The following RASSF2 variants were observed in gnomAD, a reference collection of about 807,000 sequenced individuals.
The protein encoded by RASSF2 is ras association domain-containing protein 2.
A neutral mutation model predicts 46.3 loss-of-function variants in RASSF2; 34 were observed. The observed-to-expected ratio is 0.73, with a 90% CI of 0.56 to 0.98. RASSF2 has a LOEUF of 0.98. Among genes scored for constraint, RASSF2 ranks in the 50% least tolerant of loss-of-function variants. RASSF2 has a pLI of 0.00. For missense variants in RASSF2, 364 were observed against 431.2 expected (o/e 0.84, Z 1.38); for synonymous variants, 158 against 162.5 (o/e 0.97, Z 0.21).
intron 4 of RASSF2, among the ~76,000 whole-genome samples, chr20:4,797,165 A>G (rs1926420848): frequency 1.3e-5 from 2 of 152,194 alleles, no homozygotes; most frequent in South Asian, 4.1e-4. Context: ...GGTGGGCATC[A>G]TTCCTTTACA....
In RASSF2 at chr20:4,783,813, G is replaced by C. The variant is rs906375825; in HGVS notation, c.*460C>G. Reference sequence around the variant, plus strand: ...CCTCTTCCCTCTCTAAACACAGACAGACGTGTGGCTGCTCCCTGGCACTTG... The same window carrying C: ...CCTCTTCCCTCTCTAAACACAGACACACGTGTGGCTGCTCCCTGGCACTTG... On this transcript the variant is annotated 3_prime_UTR_variant, in exon 12 of 12. Transcript: ENST00000379400. 6.3e-6 allele frequency: 1 copy of C among 159,362 alleles called. No individual in the cohort carries two copies. Among genetic ancestry groups the C allele is most frequent in the Non-Finnish European group, 1.4e-5 (1 of 72,024 alleles). 9.9% of individuals were successfully genotyped at this position (159,362 alleles called of 1,614,324 possible).
At chr20:4,797,405 G>T (rs745449256) in intron 4 of RASSF2, among the ~76,000 whole-genome samples, 2 of 152,238 alleles carry the variant, frequency 1.3e-5, no homozygotes, top group South Asian at 4.1e-4. Context: ...AGTCACAGGC[G>T]CTTGAGTATA....
At chr20:4,822,447 G>C (rs935153770) in intron 1 of RASSF2, 44 bp from the exon 2 acceptor site, 4 of 152,300 alleles carry the variant, frequency 2.6e-5, no homozygotes, top group African/African-American at 9.6e-5. Context: ...CCTCGCGCTT[G>C]GCTTCTCCTA....
In RASSF2 at chr20:4,792,606, A is replaced by T. The variant is rs748726236; in HGVS notation, c.309T>A (p.Thr103=). 5.6e-6 allele frequency: 9 copies of T among 1,613,866 alleles called. No homozygotes were observed. In the Admixed American group the frequency reaches 8.3e-5, roughly 15 times the overall value. ...CCTCTGAGATCTGAACTTTGGGCAC[A>T]GTCAGGGGCTTCAGAGTGGTTCTGG... ...GAQGTTLKPL[T]VPKVQISEVD... The change falls in exon 6 of 12, where the codon ACT becomes ACA. Residue 103 remains threonine, a synonymous_variant. Transcript: ENST00000379400.
chr20:4,815,429 C>G (rs1458549047), intron 2 of RASSF2, among the ~76,000 whole-genome samples: 1 of 152,302 alleles, frequency 6.6e-6, no homozygotes, highest in African/African-American at 2.4e-5. Context: ...GCCTCATGGA[C>G]TCCACCAGTT....
chr20:4,797,347 AC>A, intron 4 of RASSF2, among the ~76,000 whole-genome samples: 1 of 152,172 alleles, frequency 6.6e-6, no homozygotes. Flanking sequence ...CAGCTTGATA[AC>A]CTGAAAATGT....
At position 4,791,558 on chromosome 20, in the gene RASSF2, T is replaced by C. The variant is rs909726293; in HGVS notation, c.377-947A>G. Among the ~76,000 whole-genome samples the C allele has an allele frequency of 3.3e-5, 5 of 152,212 alleles. 1 individual carries two copies. The highest frequency in any genetic ancestry group is 3.3e-4 in the Admixed American group (5 of 15,292). ...ATACAATACTGACATTAATCACAAG[T>C]AGGTTAATCTGCTCTTATTAAAATA... On this transcript the variant is annotated intron_variant, in intron 6 of 11. Transcript: ENST00000379400.
chr20:4,816,198 G>A (rs1428724176), intron 2 of RASSF2, among the ~76,000 whole-genome samples: 1 of 152,080 alleles, frequency 6.6e-6, no homozygotes, highest in Non-Finnish European at 1.5e-5. Context: ...CTACTTGGGA[G>A]GCTGAGGTGA....
At chr20:4,814,815 G>A (rs567377287) in intron 2 of RASSF2, among the ~76,000 whole-genome samples, 3 of 152,304 alleles carry the variant, frequency 2.0e-5, no homozygotes, top group South Asian at 2.1e-4. Flanking sequence ...TTTCCAGACC[G>A]TTTCCAGGGG....
Position 4,784,052 on chromosome 20 carries a change from A to C in RASSF2, c.*221T>G. On this transcript the variant is annotated 3_prime_UTR_variant, in exon 12 of 12. Transcript: ENST00000379400. The stretch of plus-strand genomic sequence containing the variant: ...CATTTTGGGTCCTCCTTATAACTAA[A>C]ATCAAAAGTCCTTGTGAGCAGAAAA... 1 of 583,010 alleles carries C rather than the reference A, an allele frequency of 1.7e-6. No homozygotes were observed. The highest frequency in any genetic ancestry group is 3.1e-6 in the Non-Finnish European group (1 of 325,056). 36.1% of individuals were successfully genotyped at this position (583,010 alleles called of 1,614,324 possible). A position where few individuals can be genotyped will look rare whatever the true frequency, so the allele number is the denominator to read the frequency against.
In RASSF2 at chr20:4,788,257, T is replaced by C; in HGVS notation, c.651A>G (p.Ser217=). ...CCACGTACAAGGCAAACTCCTCTGC[T>C]GAATTCTCAATCTGAAGCAGGAGCA... ...LLLNKFKIEN[S]AEEFALYVVH... The change falls in exon 9 of 12, where the codon TCA becomes TCG. Residue 217 remains serine, a synonymous_variant. Transcript: ENST00000379400. 2 of 1,608,718 alleles carry C rather than the reference T, an allele frequency of 1.2e-6. No homozygotes were observed. Among genetic ancestry groups the C allele is most frequent in the Non-Finnish European group, 1.7e-6 (2 of 1,175,014 alleles).
In RASSF2 at chr20:4,795,772, C is replaced by T; in HGVS notation, c.287+43G>A. ...TCTGCTTGAGAACACATAGAACACC[C>T]AAGCATCCCAGTCATCTCCCTGCCC... On this transcript the variant is annotated intron_variant, in intron 5 of 11. Transcript: ENST00000379400. This position sits in a 1 kb window ranked among gnomAD's most constrained non-coding sequence, Gnocchi z 4.0. The T allele has an allele frequency of 1.3e-6, 2 of 1,578,450 alleles. No homozygotes were observed. The highest frequency in any genetic ancestry group is 1.7e-6 in the Non-Finnish European group (2 of 1,160,130).
chr20:4,788,201 TG>T lies in RASSF2; in HGVS notation c.691+15del. The stretch of plus-strand genomic sequence containing the variant: ...TAATTAGAAGTTTTAAAGTACACTG[TG>T]GTCTTCAGACTTACCACCACTCGTA... On this transcript the variant is annotated intron_variant, in intron 9 of 11. Transcript: ENST00000379400. 8.5e-7 allele frequency: 1 copy of T among 1,175,708 alleles called. No individual in the cohort carries two copies. The highest frequency in any genetic ancestry group is 1.2e-6 in the Non-Finnish European group (1 of 835,968). The allele number at this position is 1,175,708 out of a possible 1,614,324, so 72.8% of individuals were successfully genotyped here.
At chr20:4,800,329 G>A (rs888938021) in intron 3 of RASSF2, among the ~76,000 whole-genome samples, 6 of 152,280 alleles carry the variant, frequency 3.9e-5, no homozygotes, top group East Asian at 3.9e-4. Flanking sequence ...GGAACACAAC[G>A]GACAGGACGG....
chr20:4,788,029 AT>A (rs1925519989), intron 9 of RASSF2, among the ~76,000 whole-genome samples, 187 bp downstream of exon 9: 1 of 152,084 alleles, frequency 6.6e-6, no homozygotes, highest in Non-Finnish European at 1.5e-5. Context: ...TAGGTTTAGA[AT>A]TTGTTTACTG....
chr20:4,792,578 C>T lies in RASSF2; in HGVS notation c.337G>A (p.Asp113Asn), dbSNP rs540503569. 296 of 1,614,098 alleles carry T rather than the reference C, an allele frequency of 1.8e-4. 1 individual carries two copies. The South Asian group carries it at 2.0e-3, about 11-fold the overall frequency. ...TVPKVQISEVDAPPEGDQMPS... is the reference protein window; with the variant it reads ...TVPKVQISEVNAPPEGDQMPS... ...ATCTGGTCACCCTCCGGCGGGGCATCCACCTCTGAGATCTGAACTTTGGGC... is the reference window on the plus strand; with the variant it reads ...ATCTGGTCACCCTCCGGCGGGGCATTCACCTCTGAGATCTGAACTTTGGGC... The change falls in exon 6 of 12, where the codon GAT becomes AAT. Residue 113 changes from aspartate to asparagine, a missense_variant. Physicochemically the swap from Asp to Asn is conservative, Grantham distance 23. Transcript: ENST00000379400.
intron 5 of RASSF2, chr20:4,793,055 C>G (rs1448157835): frequency 5.9e-6 from 1 of 169,866 alleles, no homozygotes; most frequent in Non-Finnish European, 1.3e-5. Context: ...AGACTCATTG[C>G]TGTTGAAGAA....
At chr20:4,817,636 C>T (rs1157747333) in intron 2 of RASSF2, among the ~76,000 whole-genome samples, 1 of 152,140 alleles carries the variant, frequency 6.6e-6, no homozygotes. Flanking sequence ...CCTCCCTCCC[C>T]ACCTCTCCAG....
In RASSF2 at chr20:4,784,310, C is replaced by A. The variant is rs747445945; in HGVS notation, c.944G>T (p.Arg315Met). The A allele has an allele frequency of 6.2e-7, 1 of 1,614,042 alleles. No homozygotes were observed. Among genetic ancestry groups the A allele is most frequent in the Non-Finnish European group, 8.5e-7 (1 of 1,179,968 alleles). Residue 315 changes from arginine (R) to methionine (M), a missense_variant, in exon 12 of 12, where the codon AGG (arginine) becomes ATG (methionine). Coordinates refer to ENST00000379400, the MANE Select transcript of RASSF2 (RefSeq NM_014737.3). The stretch of plus-strand genomic sequence containing the variant: ...TGGGGTCTCGGCTATCTCCTCCAGC[C>A]TCTGTCGAATCATTAGCCGGAGCAC... ...YTVLRLMIRQRLEEIAETPAT... is the reference protein window; with the variant it reads ...YTVLRLMIRQMLEEIAETPAT...
Sources: gnomAD v4.1 joint callset for allele counts (sites outside exome capture counted in the v4.1 genomes callset) on GRCh38, gnomAD v4.1.1 for gene constraint, Gnocchi (gnomAD v3.1) non-coding constraint, MANE v1.5 for transcripts, NCBI Gene and HGNC (gene_info 2026-07-23, HGNC 2026-07-21) for gene names.